Variants in ZC3H13 observed in about 807,000 individuals in gnomAD.
The protein encoded by ZC3H13 is zinc finger CCCH-type containing 13, also known as zinc finger CCCH domain-containing protein 13.
A neutral mutation model predicts 204.1 loss-of-function variants in ZC3H13; 64 were observed. The observed-to-expected ratio is 0.31, with a 90% confidence interval of 0.26 to 0.39. The LOEUF (loss-of-function observed/expected upper bound fraction) is 0.39, where lower values mean the gene tolerates loss of function less well. Among genes scored for constraint, ZC3H13 ranks in the 10% least tolerant of loss-of-function variants. The pLI, the probability that ZC3H13 is intolerant of heterozygous loss-of-function variation, is 1.00. For missense variants in ZC3H13, 1,833 were observed against 2,082.7 expected (o/e 0.88, Z 2.33); for synonymous variants, 667 against 693.7 (o/e 0.96, Z 0.60).
At chr13:45,958,659 T>TTC (rs1566133124) in intron 18 of ZC3H13, among the ~76,000 whole-genome samples, 1 of 148,144 alleles carries the variant, frequency 6.8e-6, no homozygotes, top group Non-Finnish European at 1.5e-5. Context: ...TTTTTTTTTT[T>TTC]TTTTTTTTTT....
At chr13:46,037,075 A>C (rs2043256462) in intron 4 of ZC3H13, among the ~76,000 whole-genome samples, 1 of 152,152 alleles carries the variant, frequency 6.6e-6, no homozygotes, top group South Asian at 2.1e-4. Flanking sequence ...AAAAAACTAA[A>C]CACTTTAAAA....
At chr13:46,024,082 T>C (rs937983158) in intron 4 of ZC3H13, among the ~76,000 whole-genome samples, 2 of 152,308 alleles carry the variant, frequency 1.3e-5, no homozygotes, top group South Asian at 2.1e-4. Flanking sequence ...GGCCCAGCCA[T>C]GAAAGTGGGA....
intron 5 of ZC3H13, among the ~76,000 whole-genome samples, chr13:46,014,236 T>G (rs1245497480): frequency 6.6e-6 from 1 of 152,168 alleles, no homozygotes; most frequent in Non-Finnish European, 1.5e-5. Flanking sequence ...AACATAGGTA[T>G]ACATGTGCCA....
intron 8 of ZC3H13, among the ~76,000 whole-genome samples, chr13:45,998,427 CA>C (rs1338563041): frequency 1.3e-5 from 2 of 152,028 alleles, no homozygotes; most frequent in Non-Finnish European, 2.9e-5. Flanking sequence ...GGGAGGATCA[CA>C]AGGTAAGGAG....
chr13:46,040,972 A>G (rs1233922997), intron 4 of ZC3H13, among the ~76,000 whole-genome samples: 1 of 152,168 alleles, frequency 6.6e-6, no homozygotes, highest in Non-Finnish European at 1.5e-5. Flanking sequence ...GAACTTTCAT[A>G]TGCTGTCAAC....
At chr13:45,986,294 T>C (rs532405342) in intron 9 of ZC3H13, among the ~76,000 whole-genome samples, 3 of 152,306 alleles carry the variant, frequency 2.0e-5, no homozygotes, top group Admixed American at 2.0e-4. Context: ...AAGCTTTCTC[T>C]ACTTAGAGCA....
At chr13:45,975,035 G>A (rs1368476524) in intron 12 of ZC3H13, among the ~76,000 whole-genome samples, 1 of 151,830 alleles carries the variant, frequency 6.6e-6, no homozygotes, top group Admixed American at 6.6e-5. Flanking sequence ...CTGTAGAGAT[G>A]GAGTTTTGCC....
chr13:45,988,611 G>C (rs1383567986), intron 9 of ZC3H13, among the ~76,000 whole-genome samples, 176 bp downstream of exon 9: 1 of 152,130 alleles, frequency 6.6e-6, no homozygotes, highest in South Asian at 2.1e-4. Flanking sequence ...ATACCAACTT[G>C]TATACACCTA....
intron 4 of ZC3H13, among the ~76,000 whole-genome samples, chr13:46,038,133 G>A (rs1247766031): frequency 6.6e-6 from 1 of 152,116 alleles, no homozygotes; most frequent in Non-Finnish European, 1.5e-5. Context: ...TGGCACACAA[G>A]ACCACTGATA....
In ZC3H13 at chr13:46,014,868, T is replaced by C. The variant is rs117788173; in HGVS notation, c.449-3314A>G. On this transcript the variant is annotated intron_variant, in intron 5 of 18. Coordinates refer to ENST00000679008, the MANE Select transcript of ZC3H13 (RefSeq NM_001330564.2). ...CTATAAACAAGATCTTTCCAAGTCA[T>C]AGAGTTCAACTATCTTCATTTTAAC... Among the ~76,000 whole-genome samples the C allele has an allele frequency of 5.5e-3, 834 of 152,334 alleles. 8 individuals carry two copies. The highest frequency in any genetic ancestry group is 0.018 in the African/African-American group (767 of 41,578).
chr13:45,958,815 C>T (rs566925916), intron 18 of ZC3H13, among the ~76,000 whole-genome samples: 7 of 152,062 alleles, frequency 4.6e-5, no homozygotes, highest in South Asian at 4.2e-4. Flanking sequence ...CCACCATGCC[C>T]GGCTAATTTT....
intron 13 of ZC3H13, 106 bp downstream of exon 13, chr13:45,970,256 A>C: frequency 7.8e-7 from 1 of 1,274,544 alleles, no homozygotes; most frequent in East Asian, 2.3e-5. Flanking sequence ...AAAGCAAGAC[A>C]ACTTTTTAAA....
At chr13:45,974,652 T>A (rs1422374931) in intron 12 of ZC3H13, among the ~76,000 whole-genome samples, 4 of 152,086 alleles carry the variant, frequency 2.6e-5, no homozygotes, top group Non-Finnish European at 4.4e-5. Flanking sequence ...TTACAAGGAT[T>A]CCCTCAGTTC....
At position 45,975,336 on chromosome 13, in the gene ZC3H13, T is replaced by C. The variant is rs1480625043; in HGVS notation, c.2415A>G (p.Glu805=). The C allele has an allele frequency of 2.5e-6, 4 of 1,614,172 alleles. No homozygotes were observed. The highest frequency in any genetic ancestry group is 1.1e-5 in the South Asian group (1 of 91,084). ...TTGGATTCCTATCTTCTCGGATCTC[T>C]TCTCGCTTTTCTCTGCGGTCATCTC... ...KGRDDRREKR[E]EIREDRNPRD... Residue 805 remains glutamate, a synonymous_variant, in exon 12 of 19, where the codon GAA becomes GAG. Coordinates refer to ENST00000679008, the MANE Select transcript of ZC3H13 (RefSeq NM_001330564.2).
At chr13:46,046,087 C>T (rs1270374063) in intron 1 of ZC3H13, among the ~76,000 whole-genome samples, 1 of 152,010 alleles carries the variant, frequency 6.6e-6, no homozygotes, top group African/African-American at 2.4e-5. Flanking sequence ...GAAGTCAAAA[C>T]AATCTGATCA....
At chr13:45,995,020 A>AC (rs2040232093) in intron 8 of ZC3H13, among the ~76,000 whole-genome samples, 1 of 75,246 alleles carries the variant, frequency 1.3e-5, no homozygotes, top group South Asian at 3.4e-4. Flanking sequence ...GTGAAAAAAA[A>AC]AAAAAAAAAC....
intron 1 of ZC3H13, 128 bp downstream of exon 1, chr13:46,052,276 G>C: frequency 2.8e-6 from 1 of 360,038 alleles, no homozygotes; most frequent in Non-Finnish European, 4.9e-6. Context: ...GTTAAGGGTG[G>C]GATGCTCAAG....
chr13:46,004,230 T>C (rs1177252339), intron 7 of ZC3H13, among the ~76,000 whole-genome samples: 1 of 152,034 alleles, frequency 6.6e-6, no homozygotes, highest in East Asian at 1.9e-4. Flanking sequence ...ATAGACATAG[T>C]GTGAGCATCT....
intron 15 of ZC3H13, among the ~76,000 whole-genome samples, chr13:45,965,749 G>C (rs180894062): frequency 1.0e-3 from 157 of 152,096 alleles, no homozygotes; most frequent in Middle Eastern, 3.4e-3. Flanking sequence ...TATTATTTTT[G>C]ATAATTTAAA....
Sources: allele counts gnomAD v4.1 joint callset (sites outside exome capture counted in the v4.1 genomes callset), GRCh38; gene constraint gnomAD v4.1.1; transcripts MANE v1.5; gene names NCBI Gene and HGNC (gene_info 2026-07-23, HGNC 2026-07-21).